GGA2: variants seen among roughly 807,000 people sequenced by gnomAD.
The protein encoded by GGA2 is golgi associated, gamma adaptin ear containing, ARF binding protein 2.
GGA2 carries 48 observed loss-of-function variants against 79.5 expected under a neutral mutation model. The ratio of observed to expected loss-of-function variants is 0.60; its 90% confidence interval spans 0.48 to 0.77. The LOEUF is 0.77. GGA2 is among the 30% of genes least tolerant of loss of function. The pLI, the probability that GGA2 is intolerant of heterozygous loss-of-function variation, is 0.00. For missense variants in GGA2, 770 were observed against 774.0 expected (o/e 0.99, Z 0.06); for synonymous variants, 317 against 302.0 (o/e 1.05, Z -0.51).
intron 10 of GGA2, 93 bp from the exon 11 acceptor site, chr16:23,479,980 A>C: frequency 8.3e-7 from 1 of 1,201,154 alleles, no homozygotes; most frequent in Non-Finnish European, 1.2e-6. Context: ...CCACCTCCTA[A>C]TCAAATGGTA....
At chr16:23,506,085 C>T (rs540280586) in intron 1 of GGA2, among the ~76,000 whole-genome samples, 9 of 152,268 alleles carry the variant, frequency 5.9e-5, no homozygotes, top group Admixed American at 5.9e-4. Context: ...CTTTGATTCT[C>T]TCAACAACCC....
At position 23,465,531 on chromosome 16, in the gene GGA2, G is replaced by GC. The variant is rs1452559624; in HGVS notation, c.*2058dup. Reference sequence around the variant, plus strand: ...TCACCTCCTAACTATAGGGGAGAAAGCCTGTCTTTATGTATAAGTCTCATT... The same window carrying GC: ...TCACCTCCTAACTATAGGGGAGAAAGCCCTGTCTTTATGTATAAGTCTCATT... On this transcript the variant is annotated 3_prime_UTR_variant, in exon 17 of 17. Transcript: ENST00000309859. The GC allele has an allele frequency of 1.1e-5, 7 of 649,820 alleles. No individual in the cohort carries two copies. The highest frequency in any genetic ancestry group is 1.4e-5 in the Non-Finnish European group (5 of 359,798). The allele number at this position is 649,820 out of a possible 1,614,324, so 40.3% of individuals were successfully genotyped here.
intron 8 of GGA2, among the ~76,000 whole-genome samples, chr16:23,485,483 A>T (rs1466483925): frequency 6.6e-6 from 1 of 152,196 alleles, no homozygotes; most frequent in Non-Finnish European, 1.5e-5. Flanking sequence ...TAACAAGTTA[A>T]ATATATACTT....
chr16:23,486,683 T>A, intron 7 of GGA2, 27 bp downstream of exon 7: 1 of 1,342,110 alleles, frequency 7.5e-7, no homozygotes, highest in Non-Finnish European at 1.1e-6. Flanking sequence ...ATGCTACTTC[T>A]ACTGAACCAA....
rs1420532676 is a variant in GGA2, at chr16:23,482,927, T to C, written c.876A>G (p.Ala292=). 6 of 1,597,774 alleles carry C rather than the reference T, an allele frequency of 3.8e-6. No individual in the cohort carries two copies. The highest frequency in any genetic ancestry group is 3.4e-6 in the Non-Finnish European group (4 of 1,165,248). Residue 292 remains alanine, a synonymous_variant, in exon 9 of 17, where the codon GCA becomes GCG. Transcript: ENST00000309859. ...ACCCAAGGAAAGAAAACTTACCGAG[T>C]GCATCATCGTCATCAGTGGTGTCAC... ...LASDTTDDDD[A]LAEILQANDL...
upstream of GGA2, chr16:23,522,859 A>G (rs1420516019): frequency 6.6e-6 from 1 of 152,194 alleles, no homozygotes; most frequent in African/African-American, 2.4e-5. Flanking sequence ...GGTCATGTGA[A>G]TGCTTGGCTG....
upstream of GGA2, among the ~76,000 whole-genome samples, chr16:23,512,519 G>T (rs953819359): frequency 6.6e-6 from 1 of 151,670 alleles, no homozygotes; most frequent in Non-Finnish European, 1.5e-5. Context: ...AATGGGTGAT[G>T]ATTCTTGTCC....
chr16:23,486,585 A>G lies in GGA2; in HGVS notation c.660+125T>C, dbSNP rs1244993439. 6 of 741,136 alleles carry G rather than the reference A, an allele frequency of 8.1e-6. No individual in the cohort carries two copies. In the East Asian group the frequency reaches 1.5e-4, roughly 18 times the overall value. The allele number at this position is 741,136 out of a possible 1,614,324, so 45.9% of individuals were successfully genotyped here. On this transcript the variant is annotated intron_variant, in intron 7 of 16. Transcript: ENST00000309859. Reference sequence around the variant, plus strand: ...AGACTATGGCTGTTCCCCAGAGTTCAGGGCTAGGAGCCACTCTTTCTCCCA... The same window carrying G: ...AGACTATGGCTGTTCCCCAGAGTTCGGGGCTAGGAGCCACTCTTTCTCCCA...
chr16:23,495,774 T>C lies in GGA2; in HGVS notation c.96A>G (p.Lys32=), dbSNP rs761190932. The change falls in exon 2 of 17, where the codon AAA becomes AAG. Residue 32 remains lysine, a synonymous_variant. Coordinates refer to ENST00000309859, the MANE Select transcript of GGA2 (RefSeq NM_015044.4). ...GTTCCGACATGCTTGGGTCTGTGGC[T>C]TTGTCTGTCAAATAAATAATAAAGT... The part of the protein sequence containing the change: ...PAASLELWLN[K]ATDPSMSEQD... 44 of 1,606,784 alleles carry C rather than the reference T, an allele frequency of 2.7e-5. No homozygotes were observed. The highest frequency in any genetic ancestry group is 3.7e-5 in the Non-Finnish European group (44 of 1,174,162).
chr16:23,524,324 G>C (rs1456227478), upstream of GGA2: 2 of 1,551,158 alleles, frequency 1.3e-6, no homozygotes, highest in Admixed American at 3.4e-5. Context: ...CTGTTTCTAA[G>C]CTCACAGGTT....
rs1172372821 is a variant in GGA2, at chr16:23,494,315, A to T, written c.240T>A (p.Leu80=). 1 of 1,609,558 alleles carries T rather than the reference A, an allele frequency of 6.2e-7. No homozygotes were observed. Among genetic ancestry groups the T allele is most frequent in the African/African-American group, 1.3e-5 (1 of 74,796 alleles). Residue 80 remains leucine, a synonymous_variant, in exon 3 of 17, where the codon CTT becomes CTA. Coordinates refer to ENST00000309859, the MANE Select transcript of GGA2 (RefSeq NM_015044.4). ...KIQSPQEKEA[L]YALTVLEMCM... is the part of the protein sequence containing the mutation. ...AAGCCAAACTCACCGTTAAGGCATAAAGAGCTTCCTTCTCTTGCGGAGACT... is the reference window on the plus strand; with the variant it reads ...AAGCCAAACTCACCGTTAAGGCATATAGAGCTTCCTTCTCTTGCGGAGACT...
chr16:23,501,478 C>T (rs1238128111), intron 1 of GGA2: 3 of 411,444 alleles, frequency 7.3e-6, no homozygotes, highest in South Asian at 1.7e-5. Context: ...GATATTACTT[C>T]GACCTGTGTG....
upstream of GGA2, among the ~76,000 whole-genome samples, chr16:23,512,770 T>A (rs1372098211): frequency 8.2e-5 from 11 of 133,630 alleles, no homozygotes; most frequent in Non-Finnish European, 1.7e-4. Context: ...AATGGTGCAA[T>A]CTCAGTTCAC....
Position 23,465,107 on chromosome 16 carries a change from A to C in GGA2, c.*2483T>G, listed in dbSNP as rs548733680. On this transcript the variant is annotated 3_prime_UTR_variant, in exon 17 of 17. Coordinates refer to ENST00000309859, the MANE Select transcript of GGA2 (RefSeq NM_015044.4). ...AATTTGCTTCTCCCCAGAGGAAAAG[A>C]AGCTCCTTCAGGGTGGTGCCTGGCT... 272 of 571,262 alleles carry C rather than the reference A, an allele frequency of 4.8e-4. 1 individual carries two copies. The highest frequency in any genetic ancestry group is 2.9e-3 in the East Asian group (100 of 34,720). 35.4% of individuals were successfully genotyped at this position (571,262 alleles called of 1,614,324 possible).
chr16:23,510,083 G>C (rs1260976698), intron 1 of GGA2, among the ~76,000 whole-genome samples: 1 of 149,890 alleles, frequency 6.7e-6, no homozygotes, highest in Non-Finnish European at 1.5e-5. Flanking sequence ...CTGCTAAGTT[G>C]GGGGGTGGGC....
chr16:23,503,893 C>T (rs573415743), intron 1 of GGA2, among the ~76,000 whole-genome samples: 3 of 152,212 alleles, frequency 2.0e-5, no homozygotes, highest in Admixed American at 6.5e-5. Flanking sequence ...ACCAGCCTGA[C>T]CAACATGGAG....
In GGA2 at chr16:23,465,527, G is replaced by A; in HGVS notation, c.*2063C>T. ...GAGTTCACCTCCTAACTATAGGGGAGAAAGCCTGTCTTTATGTATAAGTCT... is the reference window on the plus strand; with the variant it reads ...GAGTTCACCTCCTAACTATAGGGGAAAAAGCCTGTCTTTATGTATAAGTCT... On this transcript the variant is annotated 3_prime_UTR_variant, in exon 17 of 17. Coordinates refer to ENST00000309859, the MANE Select transcript of GGA2 (RefSeq NM_015044.4). 1.5e-6 allele frequency: 1 copy of A among 653,164 alleles called. No homozygotes were observed. Among genetic ancestry groups the A allele is most frequent in the Admixed American group, 2.3e-5 (1 of 42,734 alleles). 40.5% of individuals were successfully genotyped at this position (653,164 alleles called of 1,614,324 possible). A position where few individuals can be genotyped will look rare whatever the true frequency, so the allele number is the denominator to read the frequency against.
intron 3 of GGA2, 153 bp downstream of exon 3, chr16:23,494,150 C>T (rs1964824814): frequency 1.6e-6 from 1 of 636,086 alleles, no homozygotes; most frequent in Non-Finnish European, 2.8e-6. Context: ...GGGACCCTGG[C>T]CCAGATCTCC....
chr16:23,509,257 C>T (rs548688876), intron 1 of GGA2, among the ~76,000 whole-genome samples: 8 of 152,330 alleles, frequency 5.3e-5, no homozygotes, highest in South Asian at 2.1e-4. Context: ...AGCCCCTTTC[C>T]CGGATTCCTG....
Sources: gnomAD v4.1 joint callset for allele counts (sites outside exome capture counted in the v4.1 genomes callset) on GRCh38, gnomAD v4.1.1 for gene constraint, MANE v1.5 for transcripts, NCBI Gene and HGNC (gene_info 2026-07-23, HGNC 2026-07-21) for gene names.